Variants in CDH23 observed in about 807,000 individuals in gnomAD.
CDH23 encodes cadherin-23.
A neutral mutation model predicts 317.1 loss-of-function variants in CDH23; 189 were observed. The observed-to-expected ratio is 0.60, with a 90% confidence interval of 0.53 to 0.67. CDH23 has a LOEUF of 0.67. Among genes scored for constraint, CDH23 ranks in the 30% least tolerant of loss-of-function variants. The probability of loss-of-function intolerance (pLI) is 0.00; values close to 1 mark genes in which losing one functional copy is unlikely to be tolerated. For synonymous variants in CDH23, 1,839 were observed against 1,876.8 expected, an observed-to-expected ratio of 0.98 and a Z score of 0.52; for missense variants, 4,401 against 4,592.4, an observed-to-expected ratio of 0.96 and a Z score of 1.20.
intron 1 of CDH23, among the ~76,000 whole-genome samples, chr10:71,420,398 G>GTGATGGTGATGATGA (rs1848700981): frequency 1.5e-5 from 1 of 65,016 alleles, no homozygotes. Flanking sequence ...GATGATGATG[G>GTGATGGTGATGATGA]TGATGGTGAT....
rs1421158529 is a variant in CDH23 at position 71,720,691 on chromosome 10, A to G, written c.3370-3354A>G. 2.6e-5 allele frequency among the ~76,000 whole-genome samples: 4 copies of G among 152,204 alleles called. No individual in the cohort carries two copies. The East Asian group carries it at 7.7e-4, about 29-fold the overall frequency. On this transcript the variant is annotated intron_variant, in intron 28 of 69. Coordinates refer to ENST00000224721, the MANE Select transcript of CDH23 (RefSeq NM_022124.6). The stretch of plus-strand genomic sequence containing the variant: ...CCTGCCCTTGCCCATAAAAAGAGGC[A>G]CTGTCTGCCAACCCCAAGATGGACA...
At chr10:71,755,318 C>T (rs1240785678) in intron 38 of CDH23, 2 of 1,555,270 alleles carry the variant, frequency 1.3e-6, no homozygotes, top group African/African-American at 1.4e-5. Context: ...GAGCAGGTCA[C>T]TCGCACCGTC....
At chr10:71,520,720 C>G (rs1269118934) in intron 6 of CDH23, among the ~76,000 whole-genome samples, 2 of 152,226 alleles carry the variant, frequency 1.3e-5, no homozygotes. Flanking sequence ...GTCTGATCAG[C>G]CACCAGCACA....
intron 38 of CDH23, chr10:71,747,458 C>T (rs1270549872): frequency 6.6e-6 from 1 of 152,310 alleles, no homozygotes; most frequent in Admixed American, 6.5e-5. Flanking sequence ...CTCCCAGAGC[C>T]CTTGTATGTG....
chr10:71,791,436 G>A, intron 47 of CDH23, 101 bp downstream of exon 47: 1 of 973,912 alleles, frequency 1.0e-6, no homozygotes, highest in East Asian at 2.6e-5. Context: ...CTCCAGTGGG[G>A]AGAAAGATGG....
At chr10:71,439,443 A>G (rs10762448) in intron 1 of CDH23, among the ~76,000 whole-genome samples, 47,907 of 151,714 alleles carry the variant, frequency 0.32, 7,800 homozygotes, top group Middle Eastern at 0.45. Flanking sequence ...AGGCTCTGTC[A>G]CTCTTGGGGG....
rs1243996936 is a variant in CDH23, at chr10:71,741,794, A to G, written c.4718A>G (p.Asp1573Gly). 1 of 1,612,954 alleles carries G rather than the reference A, an allele frequency of 6.2e-7. No homozygotes were observed. Among genetic ancestry groups the G allele is most frequent in the East Asian group, 2.2e-5 (1 of 44,868 alleles). ...LSYYITEGNK[D>G]MAFRMDRISG... The stretch of plus-strand genomic sequence containing the variant: ...TACTACATCACCGAGGGCAACAAGG[A>G]CATGGCCTTCCGCATGGACCGCATC... Residue 1573 changes from aspartate to glycine, a missense_variant, in exon 38 of 70, where the codon GAC (aspartate) becomes GGC (glycine). By Grantham distance (94) the Asp-to-Gly change is moderately conservative. Around this residue, in one of 3 missense-constraint regions of CDH23, gnomAD observed 3,068 missense variants for 3,203.3 expected, o/e 0.96. Transcript: ENST00000224721.
At chr10:71,657,338 C>A (rs866165972) in intron 14 of CDH23, among the ~76,000 whole-genome samples, 1 of 152,212 alleles carries the variant, frequency 6.6e-6, no homozygotes, top group Non-Finnish European at 1.5e-5. Context: ...TAATGTATGG[C>A]CAGGTCATAG....
At chr10:71,551,714 A>G (rs978625610) in intron 6 of CDH23, among the ~76,000 whole-genome samples, 4 of 152,130 alleles carry the variant, frequency 2.6e-5, no homozygotes, top group African/African-American at 7.2e-5. Context: ...GAAGACTATC[A>G]GACTGACCCC....
chr10:71,812,624 G>T lies in CDH23; in HGVS notation c.9510+15G>T. On this transcript the variant is annotated intron_variant, in intron 67 of 69. Coordinates refer to ENST00000224721, the MANE Select transcript of CDH23 (RefSeq NM_022124.6). ...CGCGCACCCATGTGAGCCAGAGGCG[G>T]TCAGGCATCACAAGGGGCAGGGGTG... 6.2e-7 allele frequency: 1 copy of T among 1,613,816 alleles called. No individual in the cohort carries two copies. The highest frequency in any genetic ancestry group is 8.5e-7 in the Non-Finnish European group (1 of 1,179,894).
At chr10:71,707,259 C>T (rs1410441869) in intron 26 of CDH23, 3 of 1,448,336 alleles carry the variant, frequency 2.1e-6, no homozygotes, top group Middle Eastern at 3.7e-4. Flanking sequence ...TGGACTGGCT[C>T]CCTGGGGACC....
At chr10:71,626,674 A>T (rs898177790) in intron 11 of CDH23, among the ~76,000 whole-genome samples, 1 of 152,204 alleles carries the variant, frequency 6.6e-6, no homozygotes, top group Admixed American at 6.5e-5. Flanking sequence ...CTCTAGAAGC[A>T]GTGAAGAGAG....
At chr10:71,784,513 G>A in intron 42 of CDH23, 93 bp downstream of exon 42, 1 of 1,511,564 alleles carries the variant, frequency 6.6e-7, no homozygotes, top group Non-Finnish European at 8.9e-7. Flanking sequence ...TGTGCCAAGA[G>A]AGGCCACAGG....
intron 9 of CDH23, among the ~76,000 whole-genome samples, chr10:71,594,604 G>A (rs1859718724): frequency 2.0e-5 from 3 of 152,280 alleles, no homozygotes; most frequent in Admixed American, 2.0e-4. Flanking sequence ...TTGAACTCCC[G>A]ACCTCAGGTC....
chr10:71,759,889 A>ATG (rs1491432518), intron 38 of CDH23, among the ~76,000 whole-genome samples: 1 of 37,462 alleles, frequency 2.7e-5, no homozygotes, highest in Admixed American at 3.1e-4. Flanking sequence ...ACACACATAT[A>ATG]CACACACACA....
chr10:71,606,991 T>A (rs557998059), intron 9 of CDH23, among the ~76,000 whole-genome samples: 1 of 152,274 alleles, frequency 6.6e-6, no homozygotes, highest in African/African-American at 2.4e-5. Context: ...CATATGTTGA[T>A]CGTGGGGCTG....
intron 18 of CDH23, among the ~76,000 whole-genome samples, chr10:71,685,109 T>G (rs1447583858): frequency 3.3e-5 from 5 of 152,156 alleles, no homozygotes. Flanking sequence ...GTCATCCCTA[T>G]CCACATATGA....
At chr10:71,723,405 G>A (rs1487146450) in intron 28 of CDH23, among the ~76,000 whole-genome samples, 8 of 151,912 alleles carry the variant, frequency 5.3e-5, no homozygotes, top group South Asian at 4.2e-4. Flanking sequence ...TGACAACAAC[G>A]TCCCCCCCCA....
rs372051320 is a variant in CDH23, at chr10:71,605,715, C to T, written c.833-9789C>T. Among the ~76,000 whole-genome samples, 5 of 152,254 alleles carry T rather than the reference C, an allele frequency of 3.3e-5. No individual in the cohort carries two copies. The East Asian group carries it at 5.8e-4, about 18-fold the overall frequency. ...CAAGTTACAAGCATCTCTTCTGCAA[C>T]GTTTTAGTGGCTTGCTGCATTTCAT... is the stretch of plus-strand genomic sequence containing the variant. On this transcript the variant is annotated intron_variant, in intron 9 of 69. Transcript: ENST00000224721.
Sources: gnomAD v4.1 joint callset for allele counts (sites outside exome capture counted in the v4.1 genomes callset) on GRCh38, gnomAD v4.1.1 for gene constraint, gnomAD v4.1.1 regional missense constraint, MANE v1.5 for transcripts, NCBI Gene and HGNC (gene_info 2026-07-23, HGNC 2026-07-21) for gene names.